ZNF544: variants seen among roughly 807,000 people sequenced by gnomAD.
The protein encoded by ZNF544 is zinc finger protein 544, also known as zinc finger protein AF020591.
Under a neutral mutation model 13.5 loss-of-function variants are expected in ZNF544, and 10 were observed. The ratio of observed to expected loss-of-function variants is 0.74; its 90% confidence interval spans 0.46 to 1.25. ZNF544 has a LOEUF of 1.25. Ranked by LOEUF, ZNF544 falls within the 50% of genes most tolerant of loss-of-function variation. ZNF544 has a pLI of 0.00. For missense variants in ZNF544, 896 were observed against 845.6 expected, an observed-to-expected ratio of 1.06 and a Z score of -0.74; for synonymous variants, 323 against 300.5, an observed-to-expected ratio of 1.07 and a Z score of -0.77.
At chr19:58,255,624 C>T (rs1314478324) in intron 6 of ZNF544, among the ~76,000 whole-genome samples, 4 of 120,640 alleles carry the variant, frequency 3.3e-5, no homozygotes, top group African/African-American at 1.2e-4. Context: ...ACAGTCAAAT[C>T]GAGTAAGAGA....
intron 6 of ZNF544, chr19:58,257,217 G>A (rs1382523577): frequency 6.6e-6 from 1 of 152,230 alleles, no homozygotes. Flanking sequence ...CACCACGCCT[G>A]GCTGGTTCTT....
intron 6 of ZNF544, among the ~76,000 whole-genome samples, chr19:58,255,168 G>A (rs2047009953): frequency 6.6e-6 from 1 of 151,268 alleles, no homozygotes; most frequent in East Asian, 1.9e-4. Context: ...GATTACAGGT[G>A]TGAGCCACAG....
At chr19:58,258,654 T>C (rs960512786) in intron 6 of ZNF544, 2 of 152,516 alleles carry the variant, frequency 1.3e-5, no homozygotes, top group African/African-American at 5.0e-5. Context: ...GCTGGGTGCA[T>C]GCAAGGATCT....
In ZNF544 at chr19:58,239,509, G is replaced by A. The variant is rs559269056; in HGVS notation, c.-59-4456G>A. Among the ~76,000 whole-genome samples the A allele has an allele frequency of 1.7e-3, 256 of 152,302 alleles. 1 individual carries two copies. Among genetic ancestry groups the A allele is most frequent in the Admixed American group, 3.1e-3 (47 of 15,294 alleles). On this transcript the variant is annotated intron_variant, in intron 3 of 6. Coordinates refer to ENST00000687789, the MANE Select transcript of ZNF544 (RefSeq NM_014480.4). The stretch of plus-strand genomic sequence containing the variant: ...TAAGCCTGGTGTTCACTGTGTGCGG[G>A]TCCTTGAGACCATTCTCAGGTTGAC...
chr19:58,273,924 T>G (rs2050988870), intron 5 of ZNF544, among the ~76,000 whole-genome samples: 1 of 151,508 alleles, frequency 6.6e-6, no homozygotes, highest in Non-Finnish European at 1.5e-5. Flanking sequence ...GCCTCCCGAG[T>G]AGCTGGGATT....
At chr19:58,240,402 C>T (rs2146795548) in intron 3 of ZNF544, among the ~76,000 whole-genome samples, 1 of 152,076 alleles carries the variant, frequency 6.6e-6, no homozygotes, top group Admixed American at 6.5e-5. Context: ...GCACTACAGG[C>T]ACCCACCACC....
chr19:58,236,763 A>C (rs1422181377), intron 3 of ZNF544, among the ~76,000 whole-genome samples: 1 of 148,828 alleles, frequency 6.7e-6, no homozygotes, highest in East Asian at 2.0e-4. Flanking sequence ...TTTTTTTAAG[A>C]CAGAGTCTCT....
intron 3 of ZNF544, among the ~76,000 whole-genome samples, chr19:58,238,757 TC>T (rs1415373049): frequency 6.6e-6 from 1 of 151,834 alleles, no homozygotes; most frequent in Non-Finnish European, 1.5e-5. Context: ...CCCAACAGTC[TC>T]CCCATCTAAA....
chr19:58,241,212 G>A (rs1213045390), intron 3 of ZNF544, among the ~76,000 whole-genome samples: 3 of 45,602 alleles, frequency 6.6e-5, no homozygotes, highest in African/African-American at 1.6e-4. Context: ...GGGTCTCACT[G>A]TGTTGCCCAG....
intron 5 of ZNF544, 93 bp downstream of exon 5, chr19:58,246,520 C>T: frequency 6.4e-7 from 1 of 1,559,554 alleles, no homozygotes. Context: ...CTGGAAGATA[C>T]TGGAAGCAGG....
intron 3 of ZNF544, among the ~76,000 whole-genome samples, chr19:58,232,263 A>C (rs1484444086): frequency 6.6e-6 from 1 of 152,048 alleles, no homozygotes; most frequent in Non-Finnish European, 1.5e-5. Flanking sequence ...TAGATCCATC[A>C]GTGAAAACAA....
intron 6 of ZNF544, chr19:58,257,403 G>T (rs2047726305): frequency 6.6e-6 from 1 of 152,146 alleles, no homozygotes; most frequent in African/African-American, 2.4e-5. Flanking sequence ...GTTTCCCATT[G>T]GTCACTTGGT....
chr19:58,262,873 C>A lies in ZNF544; in HGVS notation c.*119C>A. 6.7e-7 allele frequency: 1 copy of A among 1,491,404 alleles called. No homozygotes were observed. The highest frequency in any genetic ancestry group is 2.3e-5 in the East Asian group (1 of 43,282). The allele number at this position is 1,491,404 out of a possible 1,614,324, so 92.4% of individuals were successfully genotyped here. ...GTGTATTAAGCCAGCGGTTGTGACT[C>A]ATTGAACATCAGAGGACATATCCTG... On this transcript the variant is annotated 3_prime_UTR_variant, in exon 7 of 7. Coordinates refer to ENST00000687789, the MANE Select transcript of ZNF544 (RefSeq NM_014480.4).
intron 5 of ZNF544, among the ~76,000 whole-genome samples, chr19:58,272,439 TC>T (rs1191885459): frequency 2.0e-5 from 3 of 151,688 alleles, no homozygotes; most frequent in African/African-American, 4.8e-5. Context: ...CGCCTGTTGT[TC>T]CAGCTACTCA....
Position 58,244,039 on chromosome 19 carries a change from A to G in ZNF544, c.16A>G (p.Met6Val), listed in dbSNP as rs745317425. ...CAGGGAGGAAATGGAAGCACGTTCT[A>G]TGCTGGTTCCACCCCAGGTGAGTGG... is the stretch of plus-strand genomic sequence containing the variant. MEARS[M>V]LVPPQASVCF... Residue 6 changes from methionine to valine, a missense_variant, in exon 4 of 7, where the codon ATG (methionine) becomes GTG (valine). Met to Val is a conservative substitution (Grantham distance 21). Coordinates refer to ENST00000687789, the MANE Select transcript of ZNF544 (RefSeq NM_014480.4). 1 of 1,608,246 alleles carries G rather than the reference A, an allele frequency of 6.2e-7. No individual in the cohort carries two copies.
rs147052050 is a variant in ZNF544 at position 58,248,517 on chromosome 19, G to C, written c.244+1723G>C. On this transcript the variant is annotated intron_variant, in intron 6 of 6. Coordinates refer to ENST00000687789, the MANE Select transcript of ZNF544 (RefSeq NM_014480.4). Reference sequence around the variant, plus strand: ...CAAAGTGCTGGGATTACATGTATGAGCCACTGCACCTGGCCAGGCTTCACT... The same window carrying C: ...CAAAGTGCTGGGATTACATGTATGACCCACTGCACCTGGCCAGGCTTCACT... 5.9e-3 allele frequency among the ~76,000 whole-genome samples: 899 copies of C among 152,172 alleles called. 10 individuals are homozygous for C. The highest frequency in any genetic ancestry group is 0.02 in the African/African-American group (850 of 41,522).
chr19:58,241,164 T>TATATATATATTTTA (rs1555755567), intron 3 of ZNF544, among the ~76,000 whole-genome samples: 5 of 92,254 alleles, frequency 5.4e-5, no homozygotes, highest in Admixed American at 1.4e-4. Context: ...TATATTTAAA[T>TATATATATATTTTA]ATATATATAT....
At position 58,275,515 on chromosome 19, in the gene ZNF544, A is replaced by G. The variant is rs190894884; in HGVS notation, c.245-808A>G. Among the ~76,000 whole-genome samples, 278 of 141,416 alleles carry G rather than the reference A, an allele frequency of 2.0e-3. 8 individuals are homozygous for G. Among genetic ancestry groups the G allele is most frequent in the Admixed American group, 0.019 (258 of 13,770 alleles). 92.8% of individuals were successfully genotyped at this position (141,416 alleles called of 152,430 possible). ...ATAATCAAGGAGATAAACAAGAACTAGAAAAGAAAAAAAAAATAGGCTGGG... is the reference window on the plus strand; with the variant it reads ...ATAATCAAGGAGATAAACAAGAACTGGAAAAGAAAAAAAAAATAGGCTGGG... On this transcript the variant is annotated intron_variant, in intron 5 of 6. Transcript: ENST00000595981.
chr19:58,231,833 G>A (rs1291066664), intron 3 of ZNF544: 1 of 151,724 alleles, frequency 6.6e-6, no homozygotes, highest in Non-Finnish European at 1.5e-5. Context: ...GTCCTGGTGT[G>A]TTTTTTGTTT....
Sources: gnomAD v4.1 joint callset for allele counts (sites outside exome capture counted in the v4.1 genomes callset) on GRCh38, gnomAD v4.1.1 for gene constraint, MANE v1.5 for transcripts, NCBI Gene and HGNC (gene_info 2026-07-23, HGNC 2026-07-21) for gene names.